FAF1: variants seen among roughly 807,000 people sequenced by gnomAD.
FAF1 encodes the protein Fas associated factor 1, also known as FAS-associated factor 1.
FAF1 carries 25 observed loss-of-function variants against 92.5 expected under a neutral mutation model. That is an observed-to-expected ratio of 0.27 (90% CI 0.20 to 0.38). The LOEUF (loss-of-function observed/expected upper bound fraction) is 0.38, where lower values mean the gene tolerates loss of function less well. Among genes scored for constraint, FAF1 ranks in the 10% least tolerant of loss-of-function variants. FAF1 has a pLI of 1.00. For missense variants in FAF1, 636 were observed against 793.3 expected (o/e 0.80, Z 2.38); for synonymous variants, 234 against 273.2 (o/e 0.86, Z 1.42).
At chr1:50,883,596 C>G (rs1373447378) in intron 1 of FAF1, among the ~76,000 whole-genome samples, 1 of 152,162 alleles carries the variant, frequency 6.6e-6, no homozygotes, top group Admixed American at 6.5e-5. Context: ...TCCTGGACCC[C>G]TCACAAGTTA....
intron 6 of FAF1, among the ~76,000 whole-genome samples, chr1:50,736,552 C>T (rs1659145799): frequency 6.6e-6 from 1 of 152,096 alleles, no homozygotes; most frequent in South Asian, 2.1e-4. Flanking sequence ...GGGTTTGAGA[C>T]CAGCCTGTCC....
At chr1:50,724,502 CAG>C (rs1658564562) in intron 6 of FAF1, among the ~76,000 whole-genome samples, 3 of 152,214 alleles carry the variant, frequency 2.0e-5, no homozygotes, top group South Asian at 4.1e-4. Context: ...ATAACAAACA[CAG>C]AGAGTCTGAA....
At chr1:50,497,734 G>C (rs1421521844) in intron 15 of FAF1, among the ~76,000 whole-genome samples, 1 of 151,656 alleles carries the variant, frequency 6.6e-6, no homozygotes. Flanking sequence ...ATTTTTAGTA[G>C]AGACGGGGTT....
chr1:50,459,294 A>G (rs1646396203), intron 18 of FAF1, among the ~76,000 whole-genome samples: 1 of 152,074 alleles, frequency 6.6e-6, no homozygotes, highest in African/African-American at 2.4e-5. Flanking sequence ...TCTTTTAACT[A>G]CTACCCAATA....
intron 8 of FAF1, among the ~76,000 whole-genome samples, chr1:50,653,593 C>T (rs926319746): frequency 7.9e-5 from 12 of 152,068 alleles, no homozygotes; most frequent in South Asian, 2.1e-4. Flanking sequence ...CGGCCAGGCA[C>T]GGTGGCTCAT....
At chr1:50,813,764 G>GCTTT (rs1643939838) in intron 2 of FAF1, among the ~76,000 whole-genome samples, 1 of 151,294 alleles carries the variant, frequency 6.6e-6, no homozygotes, top group South Asian at 2.1e-4. Flanking sequence ...ACACTGTATT[G>GCTTT]TCGGCATCTC....
intron 7 of FAF1, among the ~76,000 whole-genome samples, chr1:50,689,961 T>C (rs1020671790): frequency 6.6e-6 from 1 of 151,854 alleles, no homozygotes; most frequent in Admixed American, 6.6e-5. Context: ...CATAGGAAGA[T>C]CATTGTGCTG....
At chr1:50,556,572 AT>A in intron 13 of FAF1, among the ~76,000 whole-genome samples, 1 of 152,176 alleles carries the variant, frequency 6.6e-6, no homozygotes. Context: ...AGAGTGGCTT[AT>A]GCCTGTAATC....
intron 8 of FAF1, among the ~76,000 whole-genome samples, chr1:50,645,864 G>A (rs541028454): frequency 5.2e-4 from 79 of 151,748 alleles, no homozygotes; most frequent in African/African-American, 1.6e-3. Context: ...AAAATAAATC[G>A]GTGTGAATGT....
intron 7 of FAF1, among the ~76,000 whole-genome samples, chr1:50,679,296 T>C (rs565720985): frequency 2.9e-4 from 43 of 146,498 alleles, no homozygotes; most frequent in Admixed American, 6.2e-4. Context: ...TCTTTATTCC[T>C]TTACTTTCTT....
chr1:50,873,958 A>G (rs1644549445), intron 1 of FAF1, among the ~76,000 whole-genome samples: 1 of 152,202 alleles, frequency 6.6e-6, no homozygotes, highest in African/African-American at 2.4e-5. Flanking sequence ...ACCAGTCTTC[A>G]GCCCCTAGTA....
intron 9 of FAF1, among the ~76,000 whole-genome samples, chr1:50,588,893 A>G (rs931126890): frequency 6.6e-6 from 1 of 152,208 alleles, no homozygotes; most frequent in African/African-American, 2.4e-5. Flanking sequence ...GCACTGGGGT[A>G]AGTGCTGGAG....
chr1:50,586,640 G>A (rs760314506), intron 9 of FAF1, among the ~76,000 whole-genome samples: 3 of 152,064 alleles, frequency 2.0e-5, no homozygotes, highest in Non-Finnish European at 4.4e-5. Flanking sequence ...GGAAACACTG[G>A]TCCTCCTCCC....
At chr1:50,611,366 C>T (rs1652676161) in intron 8 of FAF1, among the ~76,000 whole-genome samples, 1 of 152,104 alleles carries the variant, frequency 6.6e-6, no homozygotes, top group South Asian at 2.1e-4. Flanking sequence ...AAACCTCACA[C>T]CCTTAAATGT....
chr1:50,756,161 T>C (rs1422928010), intron 4 of FAF1, among the ~76,000 whole-genome samples: 1 of 152,218 alleles, frequency 6.6e-6, no homozygotes, highest in African/African-American at 2.4e-5. Flanking sequence ...TGAACTTACA[T>C]GCTCTGCTTC....
At chr1:50,642,805 C>T (rs1654403828) in intron 8 of FAF1, among the ~76,000 whole-genome samples, 1 of 151,828 alleles carries the variant, frequency 6.6e-6, no homozygotes, top group Admixed American at 6.6e-5. Context: ...TTGTATTTAT[C>T]CCATCTGTTC....
At chr1:50,827,837 T>G (rs1644116509) in intron 2 of FAF1, among the ~76,000 whole-genome samples, 1 of 151,278 alleles carries the variant, frequency 6.6e-6, no homozygotes, top group South Asian at 2.1e-4. Context: ...CCTAAAAGAG[T>G]ACTAAGAGAT....
At chr1:50,593,424 G>A (rs1177347817) in intron 9 of FAF1, among the ~76,000 whole-genome samples, 1 of 152,172 alleles carries the variant, frequency 6.6e-6, no homozygotes, top group Non-Finnish European at 1.5e-5. Flanking sequence ...GGGCTAGTTG[G>A]CCACCTTTTA....
Position 50,594,739 on chromosome 1 carries a change from C to T in FAF1, c.840+1382G>A, listed in dbSNP as rs562521627. 7.9e-4 allele frequency among the ~76,000 whole-genome samples: 119 copies of T among 151,124 alleles called. 1 individual carries two copies. The highest frequency in any genetic ancestry group is 2.4e-3 in the East Asian group (12 of 5,030). On this transcript the variant is annotated intron_variant, in intron 9 of 18. Transcript: ENST00000396153. Reference sequence around the variant, plus strand: ...TACAAAAATTAGCTGAGCGTGGTGGCGGGCACCTGTAGTCCCAGCTACTTG... The same window carrying T: ...TACAAAAATTAGCTGAGCGTGGTGGTGGGCACCTGTAGTCCCAGCTACTTG...
Sources: allele counts gnomAD v4.1 joint callset (sites outside exome capture counted in the v4.1 genomes callset), GRCh38; gene constraint gnomAD v4.1.1; transcripts MANE v1.5; gene names NCBI Gene and HGNC (gene_info 2026-07-23, HGNC 2026-07-21).